BRINP3: variants seen among roughly 807,000 people sequenced by gnomAD.
BRINP3 encodes the protein BMP/retinoic acid inducible neural specific 3.
In BRINP3, 19 loss-of-function variants were observed where a neutral mutation model predicts 71.0. That is an observed-to-expected ratio of 0.27 (90% CI 0.19 to 0.39). The LOEUF (loss-of-function observed/expected upper bound fraction) is 0.39, where lower values mean the gene tolerates loss of function less well. BRINP3 is among the 10% of genes least tolerant of loss of function. BRINP3 has a pLI of 1.00. For missense variants in BRINP3, 959 were observed against 940.8 expected (o/e 1.02, Z -0.25); for synonymous variants, 380 against 337.7 (o/e 1.13, Z -1.37).
intron 2 of BRINP3, among the ~76,000 whole-genome samples, chr1:190,299,048 T>C (rs1394201382): frequency 6.6e-6 from 1 of 152,204 alleles, no homozygotes; most frequent in East Asian, 1.9e-4. Flanking sequence ...TTTATCATTA[T>C]AGTAAGTGAC....
At chr1:190,145,768 C>A (rs1008709255) in intron 7 of BRINP3, among the ~76,000 whole-genome samples, 3 of 151,984 alleles carry the variant, frequency 2.0e-5, no homozygotes, top group African/African-American at 7.2e-5. Flanking sequence ...GATATGAAAC[C>A]AACCTAACTG....
At chr1:190,360,927 A>G (rs764463266) in intron 2 of BRINP3, among the ~76,000 whole-genome samples, 1 of 152,176 alleles carries the variant, frequency 6.6e-6, no homozygotes, top group East Asian at 1.9e-4. Flanking sequence ...ATCAATAAAG[A>G]CATATCTAAC....
chr1:190,112,632 T>C (rs1448705592), intron 7 of BRINP3, among the ~76,000 whole-genome samples: 1 of 152,212 alleles, frequency 6.6e-6, no homozygotes, highest in Non-Finnish European at 1.5e-5. Flanking sequence ...TTTCCTTTTC[T>C]AAAGAATCAA....
chr1:190,220,925 T>A (rs543334293), intron 6 of BRINP3, among the ~76,000 whole-genome samples: 2 of 152,176 alleles, frequency 1.3e-5, no homozygotes, highest in Non-Finnish European at 2.9e-5. Context: ...TGTAACCTCA[T>A]ATGAAGCCCA....
intron 7 of BRINP3, among the ~76,000 whole-genome samples, chr1:190,147,586 A>G (rs1239306463): frequency 3.9e-5 from 6 of 152,144 alleles, no homozygotes; most frequent in Non-Finnish European, 8.8e-5. Flanking sequence ...CATACCTTGC[A>G]ATTAGTGTTT....
rs1029630519 is a variant in BRINP3 at position 190,474,122 on chromosome 1, C to T, written c.-51+3326G>A. Among the ~76,000 whole-genome samples the T allele has an allele frequency of 3.3e-5, 5 of 152,274 alleles. No individual in the cohort carries two copies. The East Asian group carries it at 9.6e-4, about 29-fold the overall frequency. On this transcript the variant is annotated intron_variant, in intron 1 of 7. Transcript: ENST00000367462. ...GTTTTATTAAGATTATACATTTCTT[C>T]TTCTAACTCTCTACCCTTCCCATTT...
intron 6 of BRINP3, among the ~76,000 whole-genome samples, chr1:190,205,234 T>C (rs2102628415): frequency 6.7e-6 from 1 of 149,980 alleles, no homozygotes; most frequent in African/African-American, 2.5e-5. Context: ...ACTCATGATC[T>C]CCTGAGGTCA....
At chr1:190,140,642 T>A in intron 7 of BRINP3, among the ~76,000 whole-genome samples, 1 of 152,160 alleles carries the variant, frequency 6.6e-6, no homozygotes, top group East Asian at 1.9e-4. Context: ...CAAACTTTAA[T>A]AAAATGTTAA....
At chr1:190,382,289 A>G (rs1670597053) in intron 2 of BRINP3, among the ~76,000 whole-genome samples, 1 of 152,116 alleles carries the variant, frequency 6.6e-6, no homozygotes, top group African/African-American at 2.4e-5. Context: ...ATCCTGTCAC[A>G]TCCTTCTTTG....
At chr1:190,116,791 A>G (rs971354779) in intron 7 of BRINP3, among the ~76,000 whole-genome samples, 1 of 152,028 alleles carries the variant, frequency 6.6e-6, no homozygotes, top group African/African-American at 2.4e-5. Flanking sequence ...TGCCTGTGAA[A>G]TATTTTTGAT....
chr1:190,214,339 G>C (rs908651279), intron 6 of BRINP3, among the ~76,000 whole-genome samples: 2 of 152,062 alleles, frequency 1.3e-5, no homozygotes, highest in African/African-American at 4.8e-5. Context: ...ATTTGATGAG[G>C]AGGCCGTCAA....
chr1:190,274,875 A>T (rs1662419353), intron 3 of BRINP3, among the ~76,000 whole-genome samples: 1 of 151,704 alleles, frequency 6.6e-6, no homozygotes, highest in Non-Finnish European at 1.5e-5. Context: ...TTTGCCAAGA[A>T]GCAGAACCAA....
intron 2 of BRINP3, among the ~76,000 whole-genome samples, chr1:190,451,960 A>G (rs1291751512): frequency 6.6e-6 from 1 of 152,230 alleles, no homozygotes; most frequent in African/African-American, 2.4e-5. Flanking sequence ...AATGCCTTTC[A>G]GAAACAATGT....
chr1:190,248,466 A>G (rs1004678840), intron 4 of BRINP3, among the ~76,000 whole-genome samples: 1 of 151,734 alleles, frequency 6.6e-6, no homozygotes, highest in Non-Finnish European at 1.5e-5. Flanking sequence ...CCATTAAGAT[A>G]CTATCGTCTT....
intron 1 of BRINP3, among the ~76,000 whole-genome samples, chr1:190,468,610 G>A (rs1676922689): frequency 6.6e-6 from 1 of 151,006 alleles, no homozygotes; most frequent in South Asian, 2.1e-4. Flanking sequence ...AAACATATTA[G>A]CGTTACATTT....
At chr1:190,179,300 T>C (rs1652826937) in intron 6 of BRINP3, among the ~76,000 whole-genome samples, 1 of 152,132 alleles carries the variant, frequency 6.6e-6, no homozygotes, top group Non-Finnish European at 1.5e-5. Context: ...AAGATATTGG[T>C]CACAGAAGCA....
At chr1:190,307,547 T>C (rs1045820032) in intron 2 of BRINP3, among the ~76,000 whole-genome samples, 4 of 152,106 alleles carry the variant, frequency 2.6e-5, no homozygotes, top group Middle Eastern at 3.4e-3. Flanking sequence ...GCTTTGTGCA[T>C]AGATGCACTT....
intron 7 of BRINP3, among the ~76,000 whole-genome samples, chr1:190,129,830 A>C (rs1404254943): frequency 6.6e-6 from 1 of 152,012 alleles, no homozygotes; most frequent in Non-Finnish European, 1.5e-5. Context: ...AGAGAATAAT[A>C]ATCATGATAA....
intron 2 of BRINP3, among the ~76,000 whole-genome samples, chr1:190,357,728 G>A (rs1437561815): frequency 1.3e-5 from 2 of 151,780 alleles, no homozygotes; most frequent in African/African-American, 4.8e-5. Flanking sequence ...AGCTTGATGG[G>A]GATGGCATTG....
Sources: gnomAD v4.1 joint callset for allele counts (sites outside exome capture counted in the v4.1 genomes callset) on GRCh38, gnomAD v4.1.1 for gene constraint, MANE v1.5 for transcripts, NCBI Gene and HGNC (gene_info 2026-07-23, HGNC 2026-07-21) for gene names.